The following NMT2 variants were observed in gnomAD, a reference collection of about 807,000 sequenced individuals.
The protein encoded by NMT2 is N-myristoyltransferase 2, also known as glycylpeptide N-tetradecanoyltransferase 2.
A neutral mutation model predicts 65.4 loss-of-function variants in NMT2; 35 were observed. That is an observed-to-expected ratio of 0.54 (90% CI 0.41 to 0.71). The LOEUF is 0.71. Among genes scored for constraint, NMT2 ranks in the 30% least tolerant of loss-of-function variants. NMT2 has a pLI of 0.00. For synonymous variants in NMT2, 226 were observed against 231.8 expected (o/e 0.98, Z 0.23); for missense variants, 489 against 611.3 (o/e 0.80, Z 2.11).
At chr10:15,136,727 T>C (rs72776110) in intron 2 of NMT2, among the ~76,000 whole-genome samples, 17,906 of 152,114 alleles carry the variant, frequency 0.12, 1,489 homozygotes, top group African/African-American at 0.24. Context: ...AGCCCAAGTG[T>C]TGGAAACTGG....
chr10:15,129,456 CAT>C (rs1261530616), intron 7 of NMT2, among the ~76,000 whole-genome samples: 1 of 152,194 alleles, frequency 6.6e-6, no homozygotes, highest in Non-Finnish European at 1.5e-5. Context: ...GTTGTAAAAA[CAT>C]AGCTTAGGTC....
intron 1 of NMT2, among the ~76,000 whole-genome samples, chr10:15,145,259 G>C (rs1013375918): frequency 2.0e-5 from 3 of 152,206 alleles, no homozygotes; most frequent in African/African-American, 7.2e-5. Context: ...TGGAGGGCTT[G>C]GGCATGATTA....
At chr10:15,125,606 A>G (rs1846048173) in intron 8 of NMT2, among the ~76,000 whole-genome samples, 1 of 152,170 alleles carries the variant, frequency 6.6e-6, no homozygotes, top group African/African-American at 2.4e-5. Context: ...CCCATAGTGA[A>G]AAAAAGAGGC....
At chr10:15,134,814 T>C (rs12218990) in intron 3 of NMT2, among the ~76,000 whole-genome samples, 24,599 of 151,812 alleles carry the variant, frequency 0.16, 3,480 homozygotes, top group African/African-American at 0.39. Flanking sequence ...AACAGCGTCT[T>C]TACAAAAAAA....
At chr10:15,133,470 T>C in intron 3 of NMT2, 107 bp from the exon 4 acceptor site, 1 of 806,152 alleles carries the variant, frequency 1.2e-6, no homozygotes, top group Non-Finnish European at 2.1e-6. Context: ...AAATCTGACT[T>C]AGGGCCCTCG....
chr10:15,108,243 A>G lies in NMT2; in HGVS notation c.*952T>C. The G allele has an allele frequency of 5.3e-6, 5 of 939,008 alleles. No homozygotes were observed. Among genetic ancestry groups the G allele is most frequent in the Non-Finnish European group, 6.3e-6 (5 of 790,672 alleles). The allele number at this position is 939,008 out of a possible 1,614,324, so 58.2% of individuals were successfully genotyped here. On this transcript the variant is annotated 3_prime_UTR_variant, in exon 12 of 12. Transcript: ENST00000378165. ...CGCTCTGTCACCCAGGCTGGAGTGC[A>G]GTGGCTCGATCTCGGCTCACTGCAA...
chr10:15,158,770 G>A (rs1414178156), intron 1 of NMT2, among the ~76,000 whole-genome samples: 1 of 152,186 alleles, frequency 6.6e-6, no homozygotes, highest in Non-Finnish European at 1.5e-5. Flanking sequence ...CAGTTCTGGA[G>A]GCTGGAAGTC....
At chr10:15,160,861 A>T (rs1354319189) in intron 1 of NMT2, among the ~76,000 whole-genome samples, 2 of 152,052 alleles carry the variant, frequency 1.3e-5, no homozygotes, top group Non-Finnish European at 2.9e-5. Context: ...AAAAAATGCC[A>T]GAAGCTTCTA....
chr10:15,130,703 C>CAAAAAAAAAAAAAAAAAA (rs974360507), intron 6 of NMT2, among the ~76,000 whole-genome samples: 1 of 28,626 alleles, frequency 3.5e-5, no homozygotes, highest in Non-Finnish European at 6.7e-5. Context: ...GGCCCTGTCT[C>CAAAAAAAAAAAAAAAAAA]AAAAAAAAAA....
intron 3 of NMT2, among the ~76,000 whole-genome samples, chr10:15,134,521 C>T (rs541554458): frequency 2.2e-4 from 33 of 152,294 alleles, no homozygotes; most frequent in African/African-American, 7.5e-4. Context: ...TCAGTGTGGC[C>T]GCTCCTCCCC....
At chr10:15,121,822 C>T (rs927527709) in intron 8 of NMT2, among the ~76,000 whole-genome samples, 3 of 152,154 alleles carry the variant, frequency 2.0e-5, no homozygotes, top group Admixed American at 1.3e-4. Context: ...CACCAACAGT[C>T]CTCAGCTGAA....
At chr10:15,137,036 T>G (rs1846537131) in intron 2 of NMT2, among the ~76,000 whole-genome samples, 1 of 152,158 alleles carries the variant, frequency 6.6e-6, no homozygotes, top group African/African-American at 2.4e-5. Flanking sequence ...TCAAGAGCCC[T>G]TCGGTTTTGC....
chr10:15,148,826 T>C (rs1412970980), intron 1 of NMT2, among the ~76,000 whole-genome samples: 1 of 152,084 alleles, frequency 6.6e-6, no homozygotes, highest in Non-Finnish European at 1.5e-5. Flanking sequence ...AAAAGAAGAC[T>C]GACAGAAGAA....
chr10:15,124,087 A>G (rs1846007579), intron 8 of NMT2, among the ~76,000 whole-genome samples: 1 of 152,066 alleles, frequency 6.6e-6, no homozygotes, highest in African/African-American at 2.4e-5. Context: ...AAGCAAGCAC[A>G]CCCTCCTTGC....
rs142331635 is a variant in NMT2 at position 15,133,316 on chromosome 10, C to T, written c.439G>A (p.Val147Ile). ...GGCAAAGAATACGGTTCTTGGCGTA[C>T]GTTGTCTTTATCTGGTTCAATTGCA... is the stretch of plus-strand genomic sequence containing the variant. ...HGAIEPDKDNVRQEPYSLPQG... is the reference protein window; with the variant it reads ...HGAIEPDKDNIRQEPYSLPQG... The change falls in exon 4 of 12, where the codon GTA becomes ATA. Residue 147 changes from valine (V) to isoleucine (I), a missense_variant. By Grantham distance (29) the Val-to-Ile change is conservative (BLOSUM62 3). Coordinates refer to ENST00000378165, the MANE Select transcript of NMT2 (RefSeq NM_004808.3). The T allele has an allele frequency of 1.3e-4, 208 of 1,614,004 alleles. No homozygotes were observed. The African/African-American group carries it at 2.3e-3, about 18-fold the overall frequency.
At chr10:15,140,988 C>T (rs1218386574) in intron 2 of NMT2, 2 of 1,550,838 alleles carry the variant, frequency 1.3e-6, no homozygotes, top group South Asian at 2.4e-5. Context: ...GAGACTTACC[C>T]ATGGCTGCTC....
At chr10:15,151,229 G>C (rs1379480924) in intron 1 of NMT2, among the ~76,000 whole-genome samples, 4 of 151,996 alleles carry the variant, frequency 2.6e-5, no homozygotes, top group Non-Finnish European at 5.9e-5. Context: ...GGCTAATTTT[G>C]TATTTTTAGT....
intron 7 of NMT2, among the ~76,000 whole-genome samples, chr10:15,128,899 G>C (rs1386582465): frequency 6.6e-6 from 1 of 152,148 alleles, no homozygotes; most frequent in Non-Finnish European, 1.5e-5. Flanking sequence ...CAGCTACTCG[G>C]GAGGCTGAGG....
chr10:15,106,628 C>G lies in NMT2; in HGVS notation c.*2567G>C, dbSNP rs1025074433. 4.1e-6 allele frequency: 4 copies of G among 985,226 alleles called. No individual in the cohort carries two copies. The African/African-American group carries it at 7.0e-5, about 17-fold the overall frequency. The allele number at this position is 985,226 out of a possible 1,614,324, so 61.0% of individuals were successfully genotyped here. On this transcript the variant is annotated 3_prime_UTR_variant, in exon 12 of 12. Transcript: ENST00000378165. Reference sequence around the variant, plus strand: ...AGGGATGTCACAGCTGTGGGTTGGTCTTTAGAATCACGGCAACCTATAGAA... The same window carrying G: ...AGGGATGTCACAGCTGTGGGTTGGTGTTTAGAATCACGGCAACCTATAGAA...
Sources: gnomAD v4.1 joint callset for allele counts (sites outside exome capture counted in the v4.1 genomes callset) on GRCh38, gnomAD v4.1.1 for gene constraint, MANE v1.5 for transcripts, NCBI Gene and HGNC (gene_info 2026-07-23, HGNC 2026-07-21) for gene names.